Variants in OSBPL10 observed in about 807,000 individuals in gnomAD.
The protein encoded by OSBPL10 is oxysterol binding protein like 10.
OSBPL10 carries 49 observed loss-of-function variants against 81.7 expected under a neutral mutation model. The observed-to-expected ratio is 0.60, with a 90% CI of 0.48 to 0.76. The LOEUF (loss-of-function observed/expected upper bound fraction) is 0.76. Ranked by LOEUF, OSBPL10 falls within the 30% of genes least tolerant of loss-of-function variation. The pLI is 0.00. For missense variants in OSBPL10, 923 were observed against 987.8 expected, an observed-to-expected ratio of 0.93 and a Z score of 0.88; for synonymous variants, 419 against 383.6, an observed-to-expected ratio of 1.09 and a Z score of -1.08.
upstream of OSBPL10, among the ~76,000 whole-genome samples, chr3:31,982,116 GC>G (rs1478879128): frequency 6.6e-6 from 1 of 152,124 alleles, no homozygotes; most frequent in Non-Finnish European, 1.5e-5. Flanking sequence ...CTACCACACT[GC>G]ACGTGCACCT....
At chr3:31,986,868 A>C (rs1178690812) in intron 2 of OSBPL10, among the ~76,000 whole-genome samples, 1 of 152,096 alleles carries the variant, frequency 6.6e-6, no homozygotes, top group Non-Finnish European at 1.5e-5. Flanking sequence ...AGCCAGCCAC[A>C]GTGGCACATG....
chr3:31,682,139 C>A (rs1422958357), intron 8 of OSBPL10, among the ~76,000 whole-genome samples: 1 of 152,214 alleles, frequency 6.6e-6, no homozygotes, highest in Non-Finnish European at 1.5e-5. Flanking sequence ...CTATTTTCCA[C>A]CTGGTCCAAG....
chr3:31,744,620 G>A (rs1271343545), intron 5 of OSBPL10, among the ~76,000 whole-genome samples: 1 of 151,694 alleles, frequency 6.6e-6, no homozygotes, highest in African/African-American at 2.4e-5. Flanking sequence ...AGCACAGGGA[G>A]GACATGAAGG....
intron 5 of OSBPL10, among the ~76,000 whole-genome samples, chr3:31,737,660 A>G (rs774461348): frequency 3.3e-5 from 5 of 152,192 alleles, no homozygotes; most frequent in Admixed American, 6.5e-5. Flanking sequence ...ACCAATCTGC[A>G]GTTGCAAAAG....
At chr3:31,799,800 C>G (rs1368784788) in intron 4 of OSBPL10, among the ~76,000 whole-genome samples, 2 of 152,170 alleles carry the variant, frequency 1.3e-5, no homozygotes, top group Non-Finnish European at 1.5e-5. Context: ...GATCAACCCT[C>G]TTAACAAATT....
intron 1 of OSBPL10, among the ~76,000 whole-genome samples, chr3:31,974,931 C>G (rs1167078709): frequency 6.6e-6 from 1 of 152,028 alleles, no homozygotes; most frequent in Non-Finnish European, 1.5e-5. Context: ...CTTTTCTTTG[C>G]CTCAACAACT....
chr3:31,732,888 C>T, intron 6 of OSBPL10: 1 of 267,930 alleles, frequency 3.7e-6, no homozygotes. Flanking sequence ...CAGCAGGAAC[C>T]ACACGAAGAA....
chr3:31,701,030 C>A (rs141101714), intron 7 of OSBPL10, among the ~76,000 whole-genome samples: 92 of 152,314 alleles, frequency 6.0e-4, no homozygotes, highest in Non-Finnish European at 1.2e-3. Flanking sequence ...ATATCAGACA[C>A]GCTCACATTC....
chr3:31,860,120 A>G (rs1701022883), intron 3 of OSBPL10, among the ~76,000 whole-genome samples: 1 of 152,168 alleles, frequency 6.6e-6, no homozygotes, highest in Non-Finnish European at 1.5e-5. Flanking sequence ...GTCTGAGTCA[A>G]TGAAAAGCCT....
chr3:31,670,773 A>G (rs1006160258), intron 9 of OSBPL10, 24 bp downstream of exon 9: 5 of 1,599,870 alleles, frequency 3.1e-6, no homozygotes, highest in African/African-American at 1.3e-5. Flanking sequence ...AGACAAAGCC[A>G]GAGTCTCTCC....
intron 4 of OSBPL10, among the ~76,000 whole-genome samples, chr3:31,755,841 A>C (rs1697872392): frequency 6.6e-6 from 1 of 152,206 alleles, no homozygotes; most frequent in Non-Finnish European, 1.5e-5. Context: ...GCACCTACAC[A>C]CTCAAAAGAC....
intron 4 of OSBPL10, 38 bp downstream of exon 4, chr3:31,830,002 C>A: frequency 6.4e-7 from 1 of 1,569,588 alleles, no homozygotes; most frequent in East Asian, 2.3e-5. Flanking sequence ...CCCCCAACTC[C>A]CCGGGGCTGC....
intron 2 of OSBPL10, among the ~76,000 whole-genome samples, chr3:32,008,665 G>A (rs1246685469): frequency 2.7e-5 from 4 of 150,448 alleles, no homozygotes; most frequent in South Asian, 4.2e-4. Flanking sequence ...TGAGAGGATC[G>A]CTTAAGCCCA....
chr3:31,834,933 T>C (rs577746117), intron 3 of OSBPL10, among the ~76,000 whole-genome samples: 1 of 152,288 alleles, frequency 6.6e-6, no homozygotes, highest in African/African-American at 2.4e-5. Flanking sequence ...AAGTTTAATA[T>C]TACCTACTTC....
intron 6 of OSBPL10, among the ~76,000 whole-genome samples, chr3:31,728,660 T>C (rs1421449332): frequency 6.6e-6 from 1 of 152,164 alleles, no homozygotes; most frequent in Non-Finnish European, 1.5e-5. Context: ...CCCTCCTGCA[T>C]GATTCCATAT....
intron 2 of OSBPL10, among the ~76,000 whole-genome samples, chr3:31,995,360 T>C (rs1199767884): frequency 6.6e-6 from 1 of 152,172 alleles, no homozygotes; most frequent in Non-Finnish European, 1.5e-5. Context: ...ATTCTTTCCC[T>C]AGGGTCTTAA....
chr3:31,698,013 C>T (rs566689021), intron 7 of OSBPL10, among the ~76,000 whole-genome samples: 30 of 152,128 alleles, frequency 2.0e-4, no homozygotes, highest in Admixed American at 3.9e-4. Flanking sequence ...CCACCCACCT[C>T]GGCCTCCCAA....
chr3:31,670,679 A>T, intron 9 of OSBPL10, 118 bp downstream of exon 9: 1 of 1,215,720 alleles, frequency 8.2e-7, no homozygotes, highest in Non-Finnish European at 1.1e-6. Context: ...AAAAGACCTT[A>T]ACAAGTTTAT....
At chr3:31,706,421 G>A (rs1418428920) in intron 6 of OSBPL10, among the ~76,000 whole-genome samples, 2 of 152,170 alleles carry the variant, frequency 1.3e-5, no homozygotes, top group African/African-American at 4.8e-5. Context: ...CCAGCCTCTT[G>A]AGGACCAAAG....
Sources: gnomAD v4.1 joint callset for allele counts (sites outside exome capture counted in the v4.1 genomes callset) on GRCh38, gnomAD v4.1.1 for gene constraint, MANE v1.5 for transcripts, NCBI Gene and HGNC (gene_info 2026-07-23, HGNC 2026-07-21) for gene names.